The following PRUNE2 variants were observed in gnomAD, a reference collection of about 807,000 sequenced individuals.
PRUNE2 encodes protein prune homolog 2.
A neutral mutation model predicts 252.0 loss-of-function variants in PRUNE2; 164 were observed. The observed-to-expected ratio is 0.65, with a 90% CI of 0.57 to 0.74. PRUNE2 has a LOEUF of 0.74. Among genes scored for constraint, PRUNE2 ranks in the 30% least tolerant of loss-of-function variants. The pLI is 0.00. For synonymous variants in PRUNE2, 1,292 were observed against 1,350.2 expected, an observed-to-expected ratio of 0.96 and a Z score of 0.94; for missense variants, 3,495 against 3,711.0, an observed-to-expected ratio of 0.94 and a Z score of 1.51.
intron 6 of PRUNE2, among the ~76,000 whole-genome samples, chr9:76,732,271 C>T (rs1250267213): frequency 2.0e-5 from 3 of 152,312 alleles, no homozygotes; most frequent in African/African-American, 4.8e-5. Context: ...AGTGCCACTG[C>T]ACTCCAGCCT....
At chr9:76,762,242 A>ACTCCTGTAAAT (rs2051802677) in intron 6 of PRUNE2, among the ~76,000 whole-genome samples, 2 of 152,286 alleles carry the variant, frequency 1.3e-5, no homozygotes, top group African/African-American at 4.8e-5. Flanking sequence ...GCTGCATTTG[A>ACTCCTGTAAAT]CTCCTGTAAA....
intron 6 of PRUNE2, chr9:76,782,669 A>G (rs1275352433): frequency 6.6e-6 from 1 of 152,240 alleles, no homozygotes; most frequent in African/African-American, 2.4e-5. Flanking sequence ...TGTCCTAAGG[A>G]ATTACAACAC....
chr9:76,879,900 TA>T (rs377137298), intron 1 of PRUNE2, among the ~76,000 whole-genome samples: 929 of 77,254 alleles, frequency 0.012, 32 homozygotes, highest in African/African-American at 0.04. Flanking sequence ...TATATATATA[TA>T]TATTTTTTTT....
intron 1 of PRUNE2, among the ~76,000 whole-genome samples, chr9:76,875,426 C>G (rs1431285426): frequency 6.6e-6 from 1 of 152,188 alleles, no homozygotes; most frequent in African/African-American, 2.4e-5. Context: ...AGTGCAGCGG[C>G]ATGATCTCGG....
Position 76,706,096 on chromosome 9 carries a change from C to T in PRUNE2, c.6178G>A (p.Gly2060Ser), listed in dbSNP as rs749324092. ...GGCGCGGCAGAGGCCAGCTGCCCAC[C>T]CTCTTGAAAGTTGCCATGTAAAATA... ...PDILHGNFQEGGQLASAAPDL... is the reference protein window; with the variant it reads ...PDILHGNFQESGQLASAAPDL... Residue 2060 changes from glycine to serine, a missense_variant, in exon 8 of 19, where the codon GGT (glycine) becomes AGT (serine). Coordinates refer to ENST00000376718, the MANE Select transcript of PRUNE2 (RefSeq NM_015225.3). 2 of 1,614,024 alleles carry T rather than the reference C, an allele frequency of 1.2e-6. No homozygotes were observed. The highest frequency in any genetic ancestry group is 3.3e-5 in the Admixed American group (2 of 60,022).
At chr9:76,641,852 G>C in intron 12 of PRUNE2, 1 of 1,227,320 alleles carries the variant, frequency 8.1e-7, no homozygotes, top group Non-Finnish European at 1.1e-6. Context: ...CAATGGAATG[G>C]AGACAGAAGG....
intron 6 of PRUNE2, among the ~76,000 whole-genome samples, chr9:76,793,451 C>T (rs2055752583): frequency 6.6e-6 from 1 of 152,058 alleles, no homozygotes; most frequent in Non-Finnish European, 1.5e-5. Flanking sequence ...TGAAGCTAAG[C>T]TAAGGTCCAT....
intron 1 of PRUNE2, among the ~76,000 whole-genome samples, chr9:76,897,897 G>A (rs2062938170): frequency 6.6e-6 from 1 of 152,184 alleles, no homozygotes; most frequent in African/African-American, 2.4e-5. Context: ...TCCTGTTTCT[G>A]TGAAATGTAA....
chr9:76,710,885 G>A lies in PRUNE2; in HGVS notation c.1389C>T (p.Leu463=). 1 of 1,543,694 alleles carries A rather than the reference G, an allele frequency of 6.5e-7. No individual in the cohort carries two copies. The highest frequency in any genetic ancestry group is 8.7e-7 in the Non-Finnish European group (1 of 1,146,956). Residue 463 remains leucine (L), a synonymous_variant, in exon 8 of 19, where the codon CTC becomes CTT. Transcript: ENST00000376718. ...TGGGGCTGTAGGAGTCAAGCCCTGG[G>A]AGAAGGGTGTGGTGAGGCCCAGCAC... is the stretch of plus-strand genomic sequence containing the variant. The part of the protein sequence containing the change: ...GEGAGPHHTL[L]PGLDSYSPIP...
At chr9:76,745,065 AAACAGGAGTAG>A (rs556611038) in intron 6 of PRUNE2, among the ~76,000 whole-genome samples, 1 of 146,350 alleles carries the variant, frequency 6.8e-6, no homozygotes, top group East Asian at 2.4e-4. Flanking sequence ...AGAGGGGAGA[AAACAGGAGTAG>A]GCACCCAATG....
At chr9:76,687,600 A>G in intron 9 of PRUNE2, 2 of 394,582 alleles carry the variant, frequency 5.1e-6, no homozygotes, top group South Asian at 1.9e-5. Context: ...ACAAGCTTTG[A>G]CAGTTGTAGC....
chr9:76,871,265 T>A (rs2061181477), intron 1 of PRUNE2, among the ~76,000 whole-genome samples: 1 of 152,258 alleles, frequency 6.6e-6, no homozygotes, highest in Non-Finnish European at 1.5e-5. Flanking sequence ...GCGGACTTTT[T>A]TCTTGTCATT....
At chr9:76,853,027 T>C (rs1334779953) in intron 2 of PRUNE2, among the ~76,000 whole-genome samples, 1 of 152,198 alleles carries the variant, frequency 6.6e-6, no homozygotes, top group Non-Finnish European at 1.5e-5. Flanking sequence ...CATTTTCTTC[T>C]AGGAGTCAAA....
At chr9:76,671,409 G>A (rs2041449671) in intron 9 of PRUNE2, among the ~76,000 whole-genome samples, 3 of 150,710 alleles carry the variant, frequency 2.0e-5, no homozygotes, top group Non-Finnish European at 3.0e-5. Context: ...TATGTGAAAA[G>A]ACCAAATCTA....
chr9:76,714,665 G>A (rs765048969), intron 6 of PRUNE2, among the ~76,000 whole-genome samples: 41 of 152,304 alleles, frequency 2.7e-4, no homozygotes, highest in Admixed American at 5.9e-4. Context: ...GCAAAGTGCT[G>A]GGCTTACAGG....
At chr9:76,887,122 C>T (rs980500075) in intron 1 of PRUNE2, among the ~76,000 whole-genome samples, 3 of 152,234 alleles carry the variant, frequency 2.0e-5, no homozygotes, top group African/African-American at 7.2e-5. Flanking sequence ...AAAAGATCTT[C>T]CAGGCAGTCA....
At chr9:76,883,912 A>G (rs1564502520) in intron 1 of PRUNE2, among the ~76,000 whole-genome samples, 1 of 152,282 alleles carries the variant, frequency 6.6e-6, no homozygotes, top group East Asian at 1.9e-4. Context: ...AGAGTGTCTA[A>G]GAAAATTAAA....
intron 9 of PRUNE2, among the ~76,000 whole-genome samples, chr9:76,657,693 G>C (rs576937199): frequency 6.6e-6 from 1 of 152,330 alleles, no homozygotes; most frequent in East Asian, 1.9e-4. Context: ...AAGTCATAAA[G>C]CACTGTCTGA....
At chr9:76,724,041 C>T (rs947929364) in intron 6 of PRUNE2, among the ~76,000 whole-genome samples, 1 of 150,810 alleles carries the variant, frequency 6.6e-6, no homozygotes, top group Non-Finnish European at 1.5e-5. Context: ...GTGATCTGCC[C>T]GCCTCAGCCT....
Sources: allele counts gnomAD v4.1 joint callset (sites outside exome capture counted in the v4.1 genomes callset), GRCh38; gene constraint gnomAD v4.1.1; transcripts MANE v1.5; gene names NCBI Gene and HGNC (gene_info 2026-07-23, HGNC 2026-07-21).